Variants in NEMP2 observed in about 807,000 individuals in gnomAD.
The protein encoded by NEMP2 is UPF0571 transmembrane protein.
NEMP2 carries 53 observed loss-of-function variants against 54.2 expected under a neutral mutation model. The ratio of observed to expected loss-of-function variants is 0.98; its 90% CI spans 0.78 to 1.23. The LOEUF (loss-of-function observed/expected upper bound fraction) is 1.23, where lower values mean the gene tolerates loss of function less well. Among genes scored for constraint, NEMP2 ranks in the 50% most tolerant of loss-of-function variants. NEMP2 has a pLI of 0.00. For synonymous variants in NEMP2, 197 were observed against 190.3 expected, an observed-to-expected ratio of 1.04 and a Z score of -0.29; for missense variants, 455 against 511.3, an observed-to-expected ratio of 0.89 and a Z score of 1.06.
chr2:190,437,194 T>C, the NEMP2 span: 3 of 1,614,206 alleles, frequency 1.9e-6, no homozygotes, highest in Non-Finnish European at 2.5e-6. This position sits in a 1 kb window ranked among gnomAD's most constrained non-coding sequence, Gnocchi z 5.9. Context: ...TGCCACTCAG[T>C]TCCGGTTCCG....
At chr2:190,604,306 A>G in the NEMP2 span, among the ~76,000 whole-genome samples, 3 of 152,146 alleles carry the variant, frequency 2.0e-5, no homozygotes, top group African/African-American at 7.2e-5. This position sits in a 1 kb window ranked among gnomAD's most constrained non-coding sequence, Gnocchi z 4.5. Context: ...ACTTTTTCCT[A>G]CCCCAACACC....
chr2:190,461,528 A>T, the NEMP2 span, among the ~76,000 whole-genome samples: 3 of 152,208 alleles, frequency 2.0e-5, no homozygotes, highest in Admixed American at 2.0e-4. The surrounding 1 kb of genome is among the most constrained non-coding windows in gnomAD (Gnocchi z 5.5). Flanking sequence ...CTTGCTTTAA[A>T]TGCCAAACAG....
chr2:190,458,714 A>G, the NEMP2 span, among the ~76,000 whole-genome samples: 1 of 152,208 alleles, frequency 6.6e-6, no homozygotes, highest in Admixed American at 6.5e-5. This position sits in a 1 kb window ranked among gnomAD's most constrained non-coding sequence, Gnocchi z 5.3. Flanking sequence ...TGAAAGTGGC[A>G]AAAATCCTTA....
At chr2:190,621,758 T>C in the NEMP2 span, among the ~76,000 whole-genome samples, 1 of 152,202 alleles carries the variant, frequency 6.6e-6, no homozygotes, top group Non-Finnish European at 1.5e-5. Flanking sequence ...GGTCAATTAA[T>C]TTTCTACAAG....
the NEMP2 span, chr2:190,625,392 G>C: frequency 6.6e-6 from 1 of 152,196 alleles, no homozygotes; most frequent in Admixed American, 6.5e-5. Flanking sequence ...GTAGATTAAT[G>C]GTTTCCAGGG....
chr2:190,449,265 G>C, the NEMP2 span, among the ~76,000 whole-genome samples: 1 of 152,170 alleles, frequency 6.6e-6, no homozygotes, highest in African/African-American at 2.4e-5. Flanking sequence ...CCTGAGGTCA[G>C]GAGTTCAAGA....
chr2:190,499,961 T>A, downstream of NEMP2: 1 of 1,605,958 alleles, frequency 6.2e-7, no homozygotes. The surrounding 1 kb of genome is among the most constrained non-coding windows in gnomAD (Gnocchi z 6.0). Flanking sequence ...ATATAAAAAG[T>A]TGGATTTATT....
chr2:190,635,613 T>G, the NEMP2 span, among the ~76,000 whole-genome samples: 10 of 152,244 alleles, frequency 6.6e-5, no homozygotes, highest in African/African-American at 2.4e-4. This position sits in a 1 kb window ranked among gnomAD's most constrained non-coding sequence, Gnocchi z 4.1. Flanking sequence ...CAGAGCTATA[T>G]TCATTGAATA....
chr2:190,587,734 G>A, the NEMP2 span, among the ~76,000 whole-genome samples: 2 of 152,302 alleles, frequency 1.3e-5, no homozygotes, highest in East Asian at 3.9e-4. The surrounding 1 kb of genome is among the most constrained non-coding windows in gnomAD (Gnocchi z 5.4). Flanking sequence ...TATTGCTAGT[G>A]AGAAGGAATT....
rs1180802829 is a variant in NEMP2, at chr2:190,518,944, G to A, written c.445+8C>T. On this transcript the variant is annotated splice_region_variant and intron_variant, in intron 3 of 8. Coordinates refer to ENST00000409150, the MANE Select transcript of NEMP2 (RefSeq NM_001142645.2). ...CCAGAAAGTCAAGTATAATAAAATC[G>A]GACTTACTGTTTCGATTCACATGTA... 1.2e-5 allele frequency: 19 copies of A among 1,541,242 alleles called. No individual in the cohort carries two copies. The highest frequency in any genetic ancestry group is 1.7e-4 in the Middle Eastern group (1 of 5,958).
In NEMP2 at chr2:190,528,310, T is replaced by TC. The variant is rs1691013787; in HGVS notation, c.98-2933dup. On this transcript the variant is annotated intron_variant, in intron 1 of 8. Coordinates refer to ENST00000409150, the MANE Select transcript of NEMP2 (RefSeq NM_001142645.2). This position sits in a 1 kb window ranked among gnomAD's most constrained non-coding sequence, Gnocchi z 4.3. The stretch of plus-strand genomic sequence containing the variant: ...GAAGACATGAGAACACATTAAATGC[T>TC]CCCAGTTAGTAAGCAGCAGAGGTGT... Among the ~76,000 whole-genome samples, 1 of 152,152 alleles carries TC rather than the reference T, an allele frequency of 6.6e-6. No individual in the cohort carries two copies.
At chr2:190,563,729 G>A in the NEMP2 span, among the ~76,000 whole-genome samples, 3 of 152,212 alleles carry the variant, frequency 2.0e-5, no homozygotes, top group Admixed American at 6.5e-5. This position sits in a 1 kb window ranked among gnomAD's most constrained non-coding sequence, Gnocchi z 4.3. Flanking sequence ...GGCTTATTGG[G>A]ATGGTTATTT....
the NEMP2 span, among the ~76,000 whole-genome samples, chr2:190,547,113 C>T: frequency 6.6e-6 from 1 of 152,312 alleles, no homozygotes; most frequent in Non-Finnish European, 1.5e-5. This position sits in a 1 kb window ranked among gnomAD's most constrained non-coding sequence, Gnocchi z 6.2. Flanking sequence ...ACTCCTCAGA[C>T]TTTCTGGTCC....
the NEMP2 span, among the ~76,000 whole-genome samples, chr2:190,618,873 G>A: frequency 2.0e-5 from 3 of 151,882 alleles, no homozygotes; most frequent in Admixed American, 6.6e-5. Flanking sequence ...CACAGCACCC[G>A]GCCTAACTTT....
chr2:190,532,291 T>C (rs1481823776), intron 1 of NEMP2, among the ~76,000 whole-genome samples: 1 of 152,220 alleles, frequency 6.6e-6, no homozygotes, highest in Non-Finnish European at 1.5e-5. Flanking sequence ...ATATTCATCT[T>C]TTTCTTTCTC....
the NEMP2 span, chr2:190,437,199 G>C: frequency 6.2e-7 from 1 of 1,614,210 alleles, no homozygotes; most frequent in Non-Finnish European, 8.5e-7. This position sits in a 1 kb window ranked among gnomAD's most constrained non-coding sequence, Gnocchi z 5.9. Flanking sequence ...CTCAGTTCCG[G>C]TTCCGCTACA....
the NEMP2 span, among the ~76,000 whole-genome samples, chr2:190,552,719 C>A: frequency 2.0e-5 from 3 of 147,408 alleles, no homozygotes; most frequent in African/African-American, 5.0e-5. Flanking sequence ...GAACCTATCT[C>A]AAAAAAAAAA....
the NEMP2 span, among the ~76,000 whole-genome samples, chr2:190,463,455 A>G: frequency 7.2e-5 from 11 of 152,082 alleles, no homozygotes; most frequent in Admixed American, 3.9e-4. This position sits in a 1 kb window ranked among gnomAD's most constrained non-coding sequence, Gnocchi z 4.4. Flanking sequence ...CACTCTGCCT[A>G]CTCTAGGAAG....
At chr2:190,427,905 T>C in the NEMP2 span, among the ~76,000 whole-genome samples, 1 of 152,186 alleles carries the variant, frequency 6.6e-6, no homozygotes, top group Non-Finnish European at 1.5e-5. Flanking sequence ...CTAATTTTTG[T>C]ATTTTTAGTA....
Sources: gnomAD v4.1 joint callset for allele counts (sites outside exome capture counted in the v4.1 genomes callset) on GRCh38, gnomAD v4.1.1 for gene constraint, Gnocchi (gnomAD v3.1) non-coding constraint, MANE v1.5 for transcripts, NCBI Gene and HGNC (gene_info 2026-07-23, HGNC 2026-07-21) for gene names.